The following HLA-DRB1 variants were observed in gnomAD, a reference collection of about 807,000 sequenced individuals.
The protein encoded by HLA-DRB1 is major histocompatibility complex, class II, DR beta 1.
Under a neutral mutation model 27.9 loss-of-function variants are expected in HLA-DRB1, and 10 were observed. That is an observed-to-expected ratio of 0.36 (90% CI 0.22 to 0.61). The LOEUF is 0.61. Among genes scored for constraint, HLA-DRB1 ranks in the 20% least tolerant of loss-of-function variants. HLA-DRB1 has a pLI of 0.73. For missense variants in HLA-DRB1, 118 were observed against 306.3 expected (o/e 0.39, Z 4.59); for synonymous variants, 57 against 126.7 (o/e 0.45, Z 3.69).
At chr6:32,586,567 T>G (rs1776430128) in intron 1 of HLA-DRB1, among the ~76,000 whole-genome samples, 1 of 60,570 alleles carries the variant, frequency 1.7e-5, no homozygotes, top group South Asian at 5.0e-4. Context: ...GCCCTGTTCT[T>G]TTTTCTTCAC....
intron 2 of HLA-DRB1, among the ~76,000 whole-genome samples, chr6:32,582,519 T>C (rs9269851): frequency 0.31 from 27,657 of 89,924 alleles, 4,713 homozygotes; most frequent in East Asian, 0.42. Flanking sequence ...GGAATACTAC[T>C]CCCATGCACT....
At chr6:32,583,299 T>A (rs35681661) in intron 2 of HLA-DRB1, among the ~76,000 whole-genome samples, 1 of 50,432 alleles carries the variant, frequency 2.0e-5, no homozygotes, top group Non-Finnish European at 4.0e-5. Context: ...TTCTGGTGAA[T>A]GTCATAATAA....
At chr6:32,580,507 C>G (rs757844472) in intron 4 of HLA-DRB1, among the ~76,000 whole-genome samples, 1,385 of 111,956 alleles carry the variant, frequency 0.012, 40 homozygotes, top group South Asian at 0.039. Context: ...GCTCCAGGAT[C>G]TCAAACCAAA....
At chr6:32,586,179 C>T (rs199519005) in intron 1 of HLA-DRB1, among the ~76,000 whole-genome samples, 21,780 of 110,144 alleles carry the variant, frequency 0.2, 645 homozygotes, top group African/African-American at 0.22. Context: ...TTCACAGGTC[C>T]TCCTCCTTCT....
chr6:32,585,125 TTC>T (rs1347472633), intron 1 of HLA-DRB1, among the ~76,000 whole-genome samples: 10,602 of 62,886 alleles, frequency 0.17, 1,311 homozygotes, highest in Non-Finnish European at 0.18. Flanking sequence ...CTTCCTTGTG[TTC>T]TTGAACACAT....
chr6:32,582,703 C>T (rs34025368), intron 2 of HLA-DRB1, among the ~76,000 whole-genome samples: 22,156 of 58,276 alleles, frequency 0.38, 5,182 homozygotes, highest in Middle Eastern at 0.44. Flanking sequence ...CTGATCAATG[C>T]ATCTCCCGTG....
At chr6:32,581,868 G>C (rs774901145) in intron 2 of HLA-DRB1, 30 bp from the exon 3 acceptor site, 5 of 1,039,884 alleles carry the variant, frequency 4.8e-6, no homozygotes, top group East Asian at 2.5e-5. Flanking sequence ...GAGGGAATGA[G>C]TCAGGAAGAC....
At chr6:32,586,526 G>C in intron 1 of HLA-DRB1, among the ~76,000 whole-genome samples, 1 of 76,214 alleles carries the variant, frequency 1.3e-5, no homozygotes, top group African/African-American at 6.2e-5. Context: ...AGCATCCTTG[G>C]GCTCTTTCTC....
At chr6:32,583,827 G>T (rs9269923) in intron 2 of HLA-DRB1, among the ~76,000 whole-genome samples, 16 of 69,302 alleles carry the variant, frequency 2.3e-4, no homozygotes, top group East Asian at 7.6e-4. Context: ...CCCCACAGAG[G>T]TCTCCAAGGA....
intron 4 of HLA-DRB1, 34 bp downstream of exon 4, chr6:32,580,712 C>G (rs28732280): frequency 0.14 from 183,083 of 1,281,312 alleles, 212 homozygotes; most frequent in Non-Finnish European, 0.16. Flanking sequence ...CCAGAAAAGC[C>G]TATGGAGAGA....
At chr6:32,581,981 C>T (rs182914718) in intron 2 of HLA-DRB1, 143 bp from the exon 3 acceptor site, 7,367 of 588,000 alleles carry the variant, frequency 0.013, 292 homozygotes, top group South Asian at 0.044. Flanking sequence ...CTTACAGTGT[C>T]ATCAGCCTGG....
intron 2 of HLA-DRB1, among the ~76,000 whole-genome samples, chr6:32,583,136 T>C (rs28724035): frequency 0.25 from 16,253 of 63,780 alleles, 4,748 homozygotes; most frequent in Admixed American, 0.29. Context: ...CTCAAGATAT[T>C]AGACCGTAGA....
intron 1 of HLA-DRB1, among the ~76,000 whole-genome samples, chr6:32,585,972 A>AG (rs1561825844): frequency 2.9e-5 from 2 of 69,354 alleles, no homozygotes; most frequent in African/African-American, 6.1e-5. Flanking sequence ...AGTGATGGCG[A>AG]CTGGATTCAT....
chr6:32,583,775 TC>T (rs1775896496), intron 2 of HLA-DRB1, among the ~76,000 whole-genome samples: 5 of 48,528 alleles, frequency 1.0e-4, no homozygotes, highest in Admixed American at 2.3e-4. Context: ...AATCAAGGTC[TC>T]CTCTCTCTCC....
rs35977326 is a variant in HLA-DRB1, at chr6:32,588,699, G to A, written c.100+944C>T. On this transcript the variant is annotated intron_variant, in intron 1 of 5. Transcript: ENST00000360004. The stretch of plus-strand genomic sequence containing the variant: ...CCATTGACTTTCAGCCCTATGAGAC[G>A]TGAACAATGTTCACATCATCTCGGT... Among the ~76,000 whole-genome samples, 90 of 57,194 alleles carry A rather than the reference G, an allele frequency of 1.6e-3. 1 individual carries two copies. Among genetic ancestry groups the A allele is most frequent in the African/African-American group, 3.1e-3 (45 of 14,714 alleles). The allele number at this position is 57,194 out of a possible 152,430, so 37.5% of individuals were successfully genotyped here.
intron 1 of HLA-DRB1, among the ~76,000 whole-genome samples, chr6:32,584,780 G>C (rs9269987): frequency 0.012 from 1,026 of 82,364 alleles, no homozygotes; most frequent in Non-Finnish European, 0.014. Context: ...CGTTCACCCT[G>C]TGAACACTTC....
intron 3 of HLA-DRB1, among the ~76,000 whole-genome samples, 179 bp downstream of exon 3, chr6:32,581,378 G>T (rs796653893): frequency 0.032 from 1,893 of 59,228 alleles, no homozygotes; most frequent in East Asian, 0.053. Context: ...TGCTTCTCCA[G>T]GAGGTACAGG....
chr6:32,587,694 A>AG (rs9281885), intron 1 of HLA-DRB1, among the ~76,000 whole-genome samples: 15,691 of 82,574 alleles, frequency 0.19, 2,190 homozygotes, highest in Admixed American at 0.29. Context: ...GAGCTCCCTA[A>AG]CATATGAACT....
intron 2 of HLA-DRB1, 53 bp from the exon 3 acceptor site, chr6:32,581,891 C>CA: frequency 3.1e-5 from 28 of 903,414 alleles, no homozygotes; most frequent in Admixed American, 5.0e-5. Context: ...AGTAAGTCTC[C>CA]TGGTTTGGCT....
Sources: gnomAD v4.1 joint callset for allele counts (sites outside exome capture counted in the v4.1 genomes callset) on GRCh38, gnomAD v4.1.1 for gene constraint, MANE v1.5 for transcripts, NCBI Gene and HGNC (gene_info 2026-07-23, HGNC 2026-07-21) for gene names.